The following PKHD1 variants were observed in gnomAD, a reference collection of about 807,000 sequenced individuals.
PKHD1 encodes PKHD1 ciliary IPT domain containing fibrocystin/polyductin, also known as fibrocystin.
Under a neutral mutation model 412.0 loss-of-function variants are expected in PKHD1, and 291 were observed. The ratio of observed to expected loss-of-function variants is 0.71; its 90% CI spans 0.64 to 0.78. PKHD1 has a LOEUF of 0.78. Among genes scored for constraint, PKHD1 ranks in the 30% least tolerant of loss-of-function variants. The probability of loss-of-function intolerance (pLI) is 0.00; values close to 1 mark genes in which losing one functional copy is unlikely to be tolerated. For missense variants in PKHD1, 4,825 were observed against 4,950.7 expected (o/e 0.97, Z 0.76); for synonymous variants, 1,777 against 1,821.5 (o/e 0.98, Z 0.62).
chr6:51,935,191 T>C (rs1379781847), intron 36 of PKHD1, among the ~76,000 whole-genome samples: 1 of 152,346 alleles, frequency 6.6e-6, no homozygotes, highest in Middle Eastern at 3.4e-3. Flanking sequence ...GGTTCTCTTA[T>C]TGGCAACCAG....
At chr6:51,944,942 T>C (rs1789227409) in intron 36 of PKHD1, among the ~76,000 whole-genome samples, 1 of 152,232 alleles carries the variant, frequency 6.6e-6, no homozygotes, top group Admixed American at 6.5e-5. Context: ...TATTTCATAC[T>C]CTAGGGTAAA....
intron 18 of PKHD1, 70 bp from the exon 19 acceptor site, chr6:52,055,799 G>T (rs1807638139): frequency 5.3e-6 from 8 of 1,514,420 alleles, no homozygotes; most frequent in South Asian, 2.3e-5. Flanking sequence ...CCCTACATGT[G>T]TGCATGAGGA....
intron 37 of PKHD1, among the ~76,000 whole-genome samples, chr6:51,927,523 T>G (rs1785859948): frequency 1.3e-5 from 2 of 152,154 alleles, no homozygotes; most frequent in African/African-American, 4.8e-5. Flanking sequence ...TCAGCCTGGG[T>G]GAGCTAACCC....
intron 53 of PKHD1, among the ~76,000 whole-genome samples, chr6:51,787,978 A>T (rs1372373421): frequency 1.3e-5 from 2 of 152,206 alleles, no homozygotes; most frequent in African/African-American, 4.8e-5. Flanking sequence ...ACAGAATAGT[A>T]AACAAATGGG....
At chr6:51,798,588 T>C (rs942811243) in intron 52 of PKHD1, among the ~76,000 whole-genome samples, 1 of 152,098 alleles carries the variant, frequency 6.6e-6, no homozygotes, top group Non-Finnish European at 1.5e-5. Flanking sequence ...GAGAATTTGA[T>C]GAGTATGTGT....
At chr6:52,065,160 T>TAGAG (rs1469516676) in intron 12 of PKHD1, 110 bp from the exon 13 acceptor site, 165 of 73,320 alleles carry the variant, frequency 2.3e-3, no homozygotes, top group African/African-American at 5.9e-3. Flanking sequence ...TATATATATA[T>TAGAG]ATATATATAG....
intron 60 of PKHD1, among the ~76,000 whole-genome samples, chr6:51,663,341 T>C (rs1337232062): frequency 6.6e-6 from 1 of 152,142 alleles, no homozygotes; most frequent in Non-Finnish European, 1.5e-5. Context: ...CTAAGAGATA[T>C]AATGTCTTAA....
intron 2 of PKHD1, among the ~76,000 whole-genome samples, chr6:52,084,584 A>G (rs1268054797): frequency 3.9e-5 from 6 of 152,356 alleles, no homozygotes; most frequent in Admixed American, 2.0e-4. Context: ...CTGCACTACA[A>G]CAATAATCTT....
chr6:51,620,327 G>C (rs1766446268), intron 66 of PKHD1, among the ~76,000 whole-genome samples: 1 of 152,096 alleles, frequency 6.6e-6, no homozygotes, highest in Non-Finnish European at 1.5e-5. Flanking sequence ...TACATAAACA[G>C]ATGATCTAGG....
rs2128175959 is a variant in PKHD1 at position 52,039,608 on chromosome 6, G to C, written c.3097+3251C>G. On this transcript the variant is annotated intron_variant, in intron 27 of 66. Coordinates refer to ENST00000371117, the MANE Select transcript of PKHD1 (RefSeq NM_138694.4). The stretch of plus-strand genomic sequence containing the variant: ...CGGTCTCAGGTAGTTCTTTATAGCA[G>C]TGTAAGAATGGACTAACACACATTG... Among the ~76,000 whole-genome samples, 3 of 152,256 alleles carry C rather than the reference G, an allele frequency of 2.0e-5. No homozygotes were observed. The South Asian group carries it at 6.2e-4, about 32-fold the overall frequency.
rs777366353 is a variant in PKHD1, at chr6:51,619,131, C to T, written c.12175G>A (p.Ala4059Thr). The change falls in exon 67 of 67, where the codon GCA (alanine) becomes ACA (threonine). Residue 4059 changes from alanine to threonine, a missense_variant. Ala to Thr is a moderately conservative substitution (Grantham distance 58). Transcript: ENST00000371117. ...EKKASCGATE[A>T]FCLHSVHPET... The stretch of plus-strand genomic sequence containing the variant: ...GGGTGTACTGAATGAAGGCAGAATG[C>T]CTCAGTGGCCCCGCAGGAGGCTTTC... 4 of 1,614,256 alleles carry T rather than the reference C, an allele frequency of 2.5e-6. No individual in the cohort carries two copies. Among genetic ancestry groups the T allele is most frequent in the Non-Finnish European group, 3.4e-6 (4 of 1,180,036 alleles).
intron 20 of PKHD1, 66 bp from the exon 21 acceptor site, chr6:52,053,317 C>G: frequency 6.5e-7 from 1 of 1,535,194 alleles, no homozygotes; most frequent in African/African-American, 1.4e-5. Context: ...CGGTTAGAGC[C>G]CTTGTTCCCA....
chr6:51,634,345 T>C (rs2784216), intron 64 of PKHD1, among the ~76,000 whole-genome samples: 2,230 of 152,282 alleles, frequency 0.015, 46 homozygotes, highest in African/African-American at 0.05. Flanking sequence ...GTATACATCA[T>C]GTATCTGAGC....
intron 35 of PKHD1, among the ~76,000 whole-genome samples, chr6:51,983,398 TTC>T (rs988644547): frequency 7.2e-5 from 11 of 152,128 alleles, no homozygotes; most frequent in African/African-American, 1.4e-4. Flanking sequence ...CACAGTGTGT[TTC>T]TCTCTCAAAA....
chr6:51,881,100 T>G (rs1036442258), intron 46 of PKHD1, among the ~76,000 whole-genome samples: 8 of 149,886 alleles, frequency 5.3e-5, no homozygotes, highest in Non-Finnish European at 7.4e-5. Flanking sequence ...TTTCTTTTTT[T>G]GGAACAACTG....
chr6:51,659,496 A>G lies in PKHD1; in HGVS notation c.10630T>C (p.Tyr3544His), dbSNP rs759408848. The G allele has an allele frequency of 4.3e-6, 7 of 1,613,220 alleles. No homozygotes were observed. Among genetic ancestry groups the G allele is most frequent in the Admixed American group, 1.7e-5 (1 of 59,852 alleles). ...GGCTCCTCTCCTTGTAGGACAACAT[A>G]CAAGAGGTTATCCATGATGTTGAAA... ...NYFNIMDNLL[Y>H]VVLQGEEPIE... Residue 3544 changes from tyrosine to histidine, a missense_variant, in exon 61 of 67, where the codon TAT becomes CAT. Physicochemically the swap from Tyr to His is moderately conservative, Grantham distance 83. Coordinates refer to ENST00000371117, the MANE Select transcript of PKHD1 (RefSeq NM_138694.4).
At chr6:51,829,107 C>T (rs1767819408) in intron 52 of PKHD1, among the ~76,000 whole-genome samples, 1 of 152,082 alleles carries the variant, frequency 6.6e-6, no homozygotes, top group South Asian at 2.1e-4. Flanking sequence ...ATCACAATAA[C>T]ACTGAAAGGC....
At chr6:52,058,104 T>C (rs1808064673) in intron 16 of PKHD1, among the ~76,000 whole-genome samples, 1 of 152,220 alleles carries the variant, frequency 6.6e-6, no homozygotes, top group Non-Finnish European at 1.5e-5. Flanking sequence ...GCTTGGAACT[T>C]AAATTCCTAA....
chr6:52,062,386 A>C, intron 14 of PKHD1, 133 bp downstream of exon 14: 1 of 953,294 alleles, frequency 1.0e-6, no homozygotes. Flanking sequence ...AATACTGTCA[A>C]ACTCTGTTGT....
Sources: gnomAD v4.1 joint callset for allele counts (sites outside exome capture counted in the v4.1 genomes callset) on GRCh38, gnomAD v4.1.1 for gene constraint, MANE v1.5 for transcripts, NCBI Gene and HGNC (gene_info 2026-07-23, HGNC 2026-07-21) for gene names.